CNBD1: variants seen among roughly 807,000 people sequenced by gnomAD.
The protein encoded by CNBD1 is cyclic nucleotide-binding domain-containing protein 1.
A neutral mutation model predicts 54.4 loss-of-function variants in CNBD1; 71 were observed. The observed-to-expected ratio is 1.30, with a 90% CI of 1.08 to 1.59. CNBD1 has a LOEUF of 1.59. CNBD1 is among the 40% of genes most tolerant of loss of function. CNBD1 has a pLI of 0.00. For missense variants in CNBD1, 659 were observed against 518.0 expected, an observed-to-expected ratio of 1.27 and a Z score of -2.64; for synonymous variants, 182 against 170.7, an observed-to-expected ratio of 1.07 and a Z score of -0.51.
chr8:87,402,007 G>A (rs572868109), intron 2 of CNBD1, among the ~76,000 whole-genome samples: 5 of 151,918 alleles, frequency 3.3e-5, no homozygotes, highest in Admixed American at 3.3e-4. Context: ...TCCAAGACCT[G>A]GTAATCCATA....
At chr8:87,294,926 C>A (rs984950695) in intron 8 of CNBD1, among the ~76,000 whole-genome samples, 2 of 151,818 alleles carry the variant, frequency 1.3e-5, no homozygotes, top group African/African-American at 4.8e-5. Context: ...TAAATATAAT[C>A]CAGTATCTCA....
intron 5 of CNBD1, 27 bp from the exon 6 acceptor site, chr8:87,236,892 T>C: frequency 6.7e-7 from 1 of 1,493,588 alleles, no homozygotes. Flanking sequence ...GCACACAGTA[T>C]ATATTTTTTG....
At chr8:87,209,222 A>T (rs897065060) in intron 5 of CNBD1, among the ~76,000 whole-genome samples, 1 of 152,110 alleles carries the variant, frequency 6.6e-6, no homozygotes, top group Non-Finnish European at 1.5e-5. Context: ...AATATCAATT[A>T]TTCTGACACT....
chr8:87,213,185 A>G (rs1180041148), intron 5 of CNBD1, among the ~76,000 whole-genome samples: 7 of 152,202 alleles, frequency 4.6e-5, no homozygotes, highest in African/African-American at 1.7e-4. Flanking sequence ...ATTAAAATAT[A>G]AAAGAAAGTA....
intron 4 of CNBD1, among the ~76,000 whole-genome samples, chr8:87,140,410 T>C (rs1258284389): frequency 1.3e-5 from 2 of 152,178 alleles, no homozygotes; most frequent in Non-Finnish European, 2.9e-5. Context: ...CCTGAAAGAA[T>C]TGATACTTCC....
chr8:87,234,403 T>G (rs1807530148), intron 5 of CNBD1, among the ~76,000 whole-genome samples: 1 of 152,170 alleles, frequency 6.6e-6, no homozygotes, highest in Non-Finnish European at 1.5e-5. Context: ...ATAATAAAAC[T>G]TAAAAGTTGA....
intron 8 of CNBD1, among the ~76,000 whole-genome samples, chr8:87,321,284 C>A (rs1809522120): frequency 6.6e-6 from 1 of 152,150 alleles, no homozygotes; most frequent in African/African-American, 2.4e-5. Flanking sequence ...CAACATTTCG[C>A]ATTATCACCA....
At chr8:87,003,112 A>G (rs182825866) in intron 4 of CNBD1, among the ~76,000 whole-genome samples, 18 of 152,314 alleles carry the variant, frequency 1.2e-4, no homozygotes, top group Non-Finnish European at 2.2e-4. Context: ...GAATGCTTGA[A>G]AATAAAAGGA....
At chr8:87,358,076 G>A (rs7826890) in intron 10 of CNBD1, among the ~76,000 whole-genome samples, 56,493 of 151,884 alleles carry the variant, frequency 0.37, 10,834 homozygotes, top group Middle Eastern at 0.45. Flanking sequence ...AAAGATTCCC[G>A]AGGCCTCATC....
At chr8:87,266,353 A>G (rs1232411620) in intron 6 of CNBD1, among the ~76,000 whole-genome samples, 2 of 149,760 alleles carry the variant, frequency 1.3e-5, no homozygotes, top group Non-Finnish European at 3.0e-5. Context: ...ATAATAATTA[A>G]TACTGGGCAC....
intron 6 of CNBD1, among the ~76,000 whole-genome samples, chr8:87,255,942 T>G (rs1450207009): frequency 7.6e-6 from 1 of 130,818 alleles, no homozygotes; most frequent in Non-Finnish European, 1.6e-5. Flanking sequence ...CATATATATA[T>G]ATAAAATACT....
At chr8:86,932,632 A>G (rs1365427078) in intron 3 of CNBD1, among the ~76,000 whole-genome samples, 5 of 152,100 alleles carry the variant, frequency 3.3e-5, no homozygotes, top group African/African-American at 7.2e-5. Context: ...GCTGTAATTT[A>G]TACTTCCCTT....
rs375890564 is a variant in CNBD1 at position 87,182,860 on chromosome 8, GATA to G, written c.432-23130_432-23128del. 1.5e-3 allele frequency among the ~76,000 whole-genome samples: 221 copies of G among 152,196 alleles called. 1 individual carries two copies. Among genetic ancestry groups the G allele is most frequent in the Middle Eastern group, 6.8e-3 (2 of 294 alleles). On this transcript the variant is annotated intron_variant, in intron 4 of 10. Transcript: ENST00000518476. The surrounding 1 kb of genome is among the most constrained non-coding windows in gnomAD (Gnocchi z 4.1). Reference sequence around the variant, plus strand: ...TAGTAGGTTTTCTGCCTATTCAGCTGATAATTTCTTTCTTTCTTTGTCCTGTGC... The same window carrying G: ...TAGTAGGTTTTCTGCCTATTCAGCTGATTTCTTTCTTTCTTTGTCCTGTGC...
chr8:87,347,357 A>G (rs1224901695), intron 8 of CNBD1, among the ~76,000 whole-genome samples: 1 of 152,204 alleles, frequency 6.6e-6, no homozygotes, highest in Non-Finnish European at 1.5e-5. Context: ...CATTCTTCCA[A>G]CAAATATTTG....
intron 8 of CNBD1, among the ~76,000 whole-genome samples, chr8:87,318,171 T>G (rs914077813): frequency 7.7e-6 from 1 of 129,294 alleles, no homozygotes; most frequent in African/African-American, 2.8e-5. Flanking sequence ...TTCTAATATC[T>G]CTCTTATTTC....
intron 4 of CNBD1, among the ~76,000 whole-genome samples, chr8:86,979,377 G>A (rs1302372679): frequency 1.9e-5 from 2 of 104,612 alleles, no homozygotes; most frequent in African/African-American, 7.6e-5. Flanking sequence ...ACCAGTCTGG[G>A]CAACATGGAG....
rs112429260 is a variant in CNBD1 at position 87,104,926 on chromosome 8, G to A, written c.432-101067G>A. Among the ~76,000 whole-genome samples the A allele has an allele frequency of 3.2e-3, 493 of 152,258 alleles. 4 individuals are homozygous for A. Among genetic ancestry groups the A allele is most frequent in the African/African-American group, 0.011 (461 of 41,550 alleles). ...TTATGAAACAACTTAAAGGTGTGAT[G>A]CAAAGGAAAGAATTGTCATCCAATA... is the stretch of plus-strand genomic sequence containing the variant. On this transcript the variant is annotated intron_variant, in intron 4 of 10. Coordinates refer to ENST00000518476, the MANE Select transcript of CNBD1 (RefSeq NM_173538.3).
intron 4 of CNBD1, among the ~76,000 whole-genome samples, chr8:87,110,367 C>T (rs1282910764): frequency 1.3e-5 from 2 of 152,168 alleles, no homozygotes; most frequent in Non-Finnish European, 2.9e-5. Context: ...GGGCCTGCTA[C>T]CATACCCTTT....
intron 2 of CNBD1, among the ~76,000 whole-genome samples, chr8:87,403,148 A>T (rs1282046847): frequency 6.6e-6 from 1 of 151,956 alleles, no homozygotes; most frequent in African/African-American, 2.4e-5. Context: ...AATTGATTTA[A>T]TTTTTTAAAA....
Sources: allele counts gnomAD v4.1 joint callset (sites outside exome capture counted in the v4.1 genomes callset), GRCh38; gene constraint gnomAD v4.1.1; non-coding constraint Gnocchi (gnomAD v3.1); transcripts MANE v1.5; gene names NCBI Gene and HGNC (gene_info 2026-07-23, HGNC 2026-07-21).